Variants in FHIT observed in about 807,000 individuals in gnomAD.
FHIT encodes fragile histidine triad diadenosine triphosphatase.
In FHIT, 19 loss-of-function variants were observed where a neutral mutation model predicts 17.9. That is an observed-to-expected ratio of 1.06 (90% CI 0.74 to 1.56). The LOEUF is 1.56. Ranked by LOEUF, FHIT falls within the 40% of genes most tolerant of loss-of-function variation. The pLI, the probability that FHIT is intolerant of heterozygous loss-of-function variation, is 0.00. For missense variants in FHIT, 248 were observed against 189.2 expected (o/e 1.31, Z -1.82); for synonymous variants, 81 against 69.7 (o/e 1.16, Z -0.81).
At chr3:60,813,395 T>C (rs1701631120) in intron 4 of FHIT, among the ~76,000 whole-genome samples, 1 of 152,056 alleles carries the variant, frequency 6.6e-6, no homozygotes, top group Non-Finnish European at 1.5e-5. Flanking sequence ...ATTTAACCAT[T>C]AGTATGGTAA....
intron 3 of FHIT, among the ~76,000 whole-genome samples, chr3:60,946,592 T>C (rs1708649450): frequency 1.3e-5 from 2 of 152,098 alleles, no homozygotes; most frequent in African/African-American, 2.4e-5. Flanking sequence ...ATGATGAGTA[T>C]AAAGACAGGG....
At chr3:60,875,750 T>C (rs1383095609) in intron 3 of FHIT, among the ~76,000 whole-genome samples, 1 of 152,138 alleles carries the variant, frequency 6.6e-6, no homozygotes, top group African/African-American at 2.4e-5. Context: ...TAGTAGATTA[T>C]GATCATTATC....
intron 4 of FHIT, chr3:60,618,042 T>TA (rs34225061): frequency 0.36 from 56,709 of 158,192 alleles, 10,431 homozygotes; most frequent in Non-Finnish European, 0.41. Flanking sequence ...ACTCTGGAGT[T>TA]AAAAAAAAAA....
intron 4 of FHIT, among the ~76,000 whole-genome samples, chr3:60,551,691 G>T (rs2036564937): frequency 6.8e-6 from 1 of 147,798 alleles, no homozygotes; most frequent in Non-Finnish European, 1.5e-5. Flanking sequence ...CTGGGAAGTT[G>T]ATGCTGCAGT....
intron 7 of FHIT, among the ~76,000 whole-genome samples, chr3:59,995,757 G>C (rs1699479481): frequency 6.6e-6 from 1 of 152,020 alleles, no homozygotes; most frequent in Non-Finnish European, 1.5e-5. Context: ...GTATACCTCA[G>C]TCTTCAACAT....
intron 1 of FHIT, among the ~76,000 whole-genome samples, chr3:61,250,506 C>T (rs1217705814): frequency 6.6e-6 from 1 of 152,208 alleles, no homozygotes; most frequent in East Asian, 1.9e-4. Flanking sequence ...ATCCTTTGGC[C>T]ACTTGACCTG....
intron 5 of FHIT, among the ~76,000 whole-genome samples, chr3:60,066,942 C>G (rs905655827): frequency 6.6e-6 from 1 of 152,088 alleles, no homozygotes; most frequent in Non-Finnish European, 1.5e-5. Flanking sequence ...CTGCGCCTGA[C>G]AGACAAAATT....
At chr3:60,860,078 G>T (rs1402838763) in intron 3 of FHIT, among the ~76,000 whole-genome samples, 1 of 146,270 alleles carries the variant, frequency 6.8e-6, no homozygotes, top group African/African-American at 2.5e-5. Flanking sequence ...TGATATATCT[G>T]ATATATGATA....
chr3:60,132,462 G>A (rs1161012167), intron 5 of FHIT, among the ~76,000 whole-genome samples: 1 of 152,106 alleles, frequency 6.6e-6, no homozygotes, highest in Non-Finnish European at 1.5e-5. Flanking sequence ...AAATTATAAG[G>A]CTAGCAAAAG....
chr3:60,374,651 G>C (rs144243195), intron 5 of FHIT, among the ~76,000 whole-genome samples: 1 of 150,712 alleles, frequency 6.6e-6, no homozygotes, highest in Non-Finnish European at 1.5e-5. Flanking sequence ...TATGTAGAAG[G>C]ACTTCAAGCG....
intron 5 of FHIT, among the ~76,000 whole-genome samples, chr3:60,171,791 G>C (rs556380986): frequency 6.6e-6 from 1 of 151,904 alleles, no homozygotes; most frequent in African/African-American, 2.4e-5. Flanking sequence ...CTGTAGCCTC[G>C]AACTTCTGGG....
intron 3 of FHIT, among the ~76,000 whole-genome samples, chr3:60,959,344 A>G (rs9755626): frequency 2.0e-3 from 310 of 152,326 alleles, no homozygotes; most frequent in African/African-American, 7.1e-3. Context: ...GTTATTTCCC[A>G]TAATTAGTCA....
At chr3:60,891,637 T>G (rs1705521549) in intron 3 of FHIT, among the ~76,000 whole-genome samples, 1 of 152,210 alleles carries the variant, frequency 6.6e-6, no homozygotes, top group South Asian at 2.1e-4. Context: ...AATATCATTT[T>G]CATCTAGGCT....
intron 5 of FHIT, among the ~76,000 whole-genome samples, chr3:60,411,048 G>A (rs1448092064): frequency 2.0e-5 from 3 of 152,074 alleles, no homozygotes; most frequent in Non-Finnish European, 4.4e-5. Flanking sequence ...AGATGGAGAA[G>A]CATTAACCCC....
At chr3:60,345,937 T>C (rs920244770) in intron 5 of FHIT, among the ~76,000 whole-genome samples, 1 of 152,240 alleles carries the variant, frequency 6.6e-6, no homozygotes. Context: ...CATTGGTAAT[T>C]TATTGATAGG....
At chr3:60,181,324 T>C (rs1465294223) in intron 5 of FHIT, among the ~76,000 whole-genome samples, 1 of 151,986 alleles carries the variant, frequency 6.6e-6, no homozygotes, top group Admixed American at 6.6e-5. Flanking sequence ...TTTTATGTTT[T>C]TAGTAGATAC....
intron 5 of FHIT, among the ~76,000 whole-genome samples, chr3:60,139,855 G>T (rs1037992260): frequency 6.7e-6 from 1 of 149,352 alleles, no homozygotes; most frequent in Non-Finnish European, 1.5e-5. Flanking sequence ...GCCACGCAAT[G>T]GCTCTCACCT....
chr3:59,759,757 A>G (rs1172602097), intron 8 of FHIT, among the ~76,000 whole-genome samples: 1 of 151,550 alleles, frequency 6.6e-6, no homozygotes, highest in Non-Finnish European at 1.5e-5. Flanking sequence ...TCCTTTGTCT[A>G]TGTGCTGGTT....
intron 4 of FHIT, among the ~76,000 whole-genome samples, chr3:60,777,825 G>C (rs1354303073): frequency 2.0e-5 from 3 of 152,026 alleles, no homozygotes; most frequent in Admixed American, 6.6e-5. Context: ...TGACTCCCCA[G>C]GCTCCTTAGA....
Sources: allele counts gnomAD v4.1 joint callset (sites outside exome capture counted in the v4.1 genomes callset), GRCh38; gene constraint gnomAD v4.1.1; transcripts MANE v1.5; gene names NCBI Gene and HGNC (gene_info 2026-07-23, HGNC 2026-07-21).